Variants in VWA3B observed in about 807,000 individuals in gnomAD.
VWA3B encodes the protein von Willebrand factor A domain-containing protein 3B.
A neutral mutation model predicts 158.3 loss-of-function variants in VWA3B; 138 were observed. The ratio of observed to expected loss-of-function variants is 0.87; its 90% CI spans 0.76 to 1.00. The LOEUF (loss-of-function observed/expected upper bound fraction) is 1.00. VWA3B is among the 50% of genes least tolerant of loss of function. VWA3B has a pLI of 0.00. For synonymous variants in VWA3B, 596 were observed against 587.3 expected, an observed-to-expected ratio of 1.01 and a Z score of -0.21; for missense variants, 1,555 against 1,565.1, an observed-to-expected ratio of 0.99 and a Z score of 0.11.
Position 98,241,874 on chromosome 2 carries a change from C to T in VWA3B, c.2673+5144C>T, listed in dbSNP as rs185402252. Among the ~76,000 whole-genome samples, 48 of 152,234 alleles carry T rather than the reference C, an allele frequency of 3.2e-4. No homozygotes were observed. The East Asian group carries it at 9.3e-3, about 29-fold the overall frequency. Reference sequence around the variant, plus strand: ...TGACAGGCATATACTGCAGTGATCTCCAGTCTCACATCCAAAGCACTTTTG... The same window carrying T: ...TGACAGGCATATACTGCAGTGATCTTCAGTCTCACATCCAAAGCACTTTTG... On this transcript the variant is annotated intron_variant, in intron 19 of 27. Coordinates refer to ENST00000477737, the MANE Select transcript of VWA3B (RefSeq NM_144992.5).
Position 98,135,673 on chromosome 2 carries a change from CGTT to C in VWA3B, c.988+1738_988+1740del, listed in dbSNP as rs563959714. ...TTAGAATAAAATGCTTGGCATGGAT[CGTT>C]GTTCTCAATCCATTTCAGTGATCAC... On this transcript the variant is annotated intron_variant, in intron 7 of 27. Transcript: ENST00000477737. 1.3e-4 allele frequency among the ~76,000 whole-genome samples: 20 copies of C among 152,288 alleles called. No individual in the cohort carries two copies. In the East Asian group the frequency reaches 3.9e-3, roughly 29 times the overall value.
chr2:98,285,328 A>C (rs1689103338), intron 22 of VWA3B, among the ~76,000 whole-genome samples: 1 of 152,114 alleles, frequency 6.6e-6, no homozygotes, highest in South Asian at 2.1e-4. Flanking sequence ...TTGTTTATTC[A>C]TTCCCCAGTT....
intron 8 of VWA3B, among the ~76,000 whole-genome samples, chr2:98,165,780 T>G (rs1249881744): frequency 2.6e-5 from 4 of 152,094 alleles, no homozygotes; most frequent in Non-Finnish European, 4.4e-5. Context: ...GAGAGGGACC[T>G]AATAGGCTTG....
chr2:98,115,395 TAACA>T (rs1674451365), intron 2 of VWA3B, among the ~76,000 whole-genome samples: 1 of 152,196 alleles, frequency 6.6e-6, no homozygotes, highest in Non-Finnish European at 1.5e-5. Context: ...TATACATATG[TAACA>T]AACCTGCACA....
intron 11 of VWA3B, 49 bp downstream of exon 11, chr2:98,193,085 G>C: frequency 6.4e-7 from 1 of 1,561,586 alleles, no homozygotes; most frequent in African/African-American, 1.4e-5. Context: ...TGTATCAGAT[G>C]GTTATGAGCA....
At chr2:98,242,306 G>A (rs1686123943) in intron 19 of VWA3B, 2 of 456,088 alleles carry the variant, frequency 4.4e-6, no homozygotes, top group Admixed American at 2.3e-5. Context: ...GAGGTATTGA[G>A]CAAAGAGGTT....
chr2:98,238,655 G>T (rs553659964), intron 19 of VWA3B, among the ~76,000 whole-genome samples: 28 of 152,276 alleles, frequency 1.8e-4, no homozygotes, highest in African/African-American at 6.3e-4. Context: ...TTTATAGGCT[G>T]AGTAGGTAAA....
chr2:98,268,014 C>T (rs959772016), intron 21 of VWA3B, among the ~76,000 whole-genome samples: 1 of 151,966 alleles, frequency 6.6e-6, no homozygotes, highest in South Asian at 2.1e-4. Flanking sequence ...TCTGAGTAGA[C>T]CAATAACAGG....
intron 14 of VWA3B, among the ~76,000 whole-genome samples, chr2:98,218,820 C>T (rs775895487): frequency 6.9e-4 from 105 of 152,206 alleles, no homozygotes; most frequent in South Asian, 1.0e-3. Context: ...ATGAATCATC[C>T]AAAAAACATT....
At chr2:98,149,173 C>A (rs1308749574) in intron 7 of VWA3B, among the ~76,000 whole-genome samples, 8 of 152,210 alleles carry the variant, frequency 5.3e-5, no homozygotes. Context: ...GCTGTATCAG[C>A]AGTTTGCTTA....
chr2:98,303,446 G>T (rs1690322477), intron 25 of VWA3B, among the ~76,000 whole-genome samples: 1 of 152,004 alleles, frequency 6.6e-6, no homozygotes, highest in Non-Finnish European at 1.5e-5. Context: ...GTGTGTGTGT[G>T]TGTGTGTGTG....
chr2:98,267,055 T>C (rs1432759831), intron 21 of VWA3B, among the ~76,000 whole-genome samples: 2 of 151,956 alleles, frequency 1.3e-5, no homozygotes, highest in African/African-American at 4.8e-5. Flanking sequence ...TCCTACCTGA[T>C]TGCCCTGGCC....
intron 7 of VWA3B, among the ~76,000 whole-genome samples, chr2:98,142,289 C>A (rs147009508): frequency 1.4e-4 from 21 of 152,286 alleles, no homozygotes; most frequent in African/African-American, 4.8e-4. Context: ...TGGATTCCCC[C>A]CATGCAGGCT....
chr2:98,158,163 A>G (rs1678257302), intron 7 of VWA3B, among the ~76,000 whole-genome samples: 1 of 152,154 alleles, frequency 6.6e-6, no homozygotes, highest in African/African-American at 2.4e-5. Flanking sequence ...AACTGTTTCT[A>G]TGTAATAAGG....
intron 2 of VWA3B, among the ~76,000 whole-genome samples, chr2:98,095,603 G>A (rs1033260354): frequency 6.6e-6 from 1 of 152,128 alleles, no homozygotes; most frequent in South Asian, 2.1e-4. Flanking sequence ...CAATTTAGAT[G>A]CTGTTAATTT....
At chr2:98,270,641 G>A (rs780150901) in intron 21 of VWA3B, 41 bp from the exon 22 acceptor site, 2 of 1,576,344 alleles carry the variant, frequency 1.3e-6, no homozygotes, top group Non-Finnish European at 1.7e-6. Flanking sequence ...TTTGCTTTTT[G>A]TTTCTTCCTC....
chr2:98,217,734 T>C, intron 13 of VWA3B, 112 bp from the exon 14 acceptor site: 2 of 989,448 alleles, frequency 2.0e-6, no homozygotes, highest in Non-Finnish European at 2.8e-6. Flanking sequence ...CTCACCACTG[T>C]ATACAGAATT....
At chr2:98,258,960 G>GT (rs1687320162) in intron 21 of VWA3B, among the ~76,000 whole-genome samples, 1 of 151,572 alleles carries the variant, frequency 6.6e-6, no homozygotes, top group Non-Finnish European at 1.5e-5. Flanking sequence ...TTTCCTGATT[G>GT]TTTTTATCAT....
chr2:98,307,174 C>T (rs1294009049), intron 26 of VWA3B, among the ~76,000 whole-genome samples: 3 of 152,168 alleles, frequency 2.0e-5, no homozygotes, highest in African/African-American at 7.2e-5. Flanking sequence ...AGCACTTGAA[C>T]ATAAATTTAA....
Sources: allele counts gnomAD v4.1 joint callset (sites outside exome capture counted in the v4.1 genomes callset), GRCh38; gene constraint gnomAD v4.1.1; transcripts MANE v1.5; gene names NCBI Gene and HGNC (gene_info 2026-07-23, HGNC 2026-07-21).